Variants in ROR1 observed in about 807,000 individuals in gnomAD.
ROR1 encodes the protein ROR family WNT receptor 1.
Under a neutral mutation model 78.8 loss-of-function variants are expected in ROR1, and 19 were observed. The ratio of observed to expected loss-of-function variants is 0.24; its 90% confidence interval spans 0.17 to 0.35. The LOEUF (loss-of-function observed/expected upper bound fraction) is 0.35, where lower values mean the gene tolerates loss of function less well. ROR1 is among the 10% of genes least tolerant of loss of function. The probability of loss-of-function intolerance (pLI) is 1.00; values close to 1 mark genes in which losing one functional copy is unlikely to be tolerated. For missense variants in ROR1, 917 were observed against 1,177.8 expected (o/e 0.78, Z 3.24); for synonymous variants, 386 against 433.6 (o/e 0.89, Z 1.36).
At chr1:64,110,469 C>G (rs1245820044) in intron 4 of ROR1, among the ~76,000 whole-genome samples, 1 of 152,106 alleles carries the variant, frequency 6.6e-6, no homozygotes, top group African/African-American at 2.4e-5. Context: ...TGAGGACAGG[C>G]AGCTGGTAAG....
chr1:63,877,630 C>T (rs184631124), intron 1 of ROR1, among the ~76,000 whole-genome samples: 1 of 152,062 alleles, frequency 6.6e-6, no homozygotes, highest in Non-Finnish European at 1.5e-5. Flanking sequence ...GCTGAAGACT[C>T]AGTAAGTAAA....
chr1:64,143,246 A>G (rs1285285122), intron 7 of ROR1: 2 of 988,958 alleles, frequency 2.0e-6, no homozygotes, highest in East Asian at 1.1e-4. Flanking sequence ...TGGGCCAAGC[A>G]TGGTGGCTTA....
chr1:63,989,292 G>T (rs1033300651), intron 1 of ROR1, among the ~76,000 whole-genome samples: 6 of 151,584 alleles, frequency 4.0e-5, no homozygotes, highest in Non-Finnish European at 8.8e-5. Context: ...AGCCTGAGGG[G>T]TTTTTTTGGA....
At chr1:64,075,469 G>A (rs1168948382) in intron 4 of ROR1, among the ~76,000 whole-genome samples, 4 of 152,066 alleles carry the variant, frequency 2.6e-5, no homozygotes, top group African/African-American at 9.7e-5. Flanking sequence ...TTTTGTTTTT[G>A]GCAAGGTTTA....
chr1:64,164,872 A>T (rs1393202187), intron 8 of ROR1, among the ~76,000 whole-genome samples: 1 of 152,160 alleles, frequency 6.6e-6, no homozygotes, highest in Non-Finnish European at 1.5e-5. Context: ...TTCCTGTGTT[A>T]CTTTGCTAAG....
chr1:63,823,327 C>A (rs897835092), intron 1 of ROR1, among the ~76,000 whole-genome samples: 7 of 152,046 alleles, frequency 4.6e-5, no homozygotes, highest in African/African-American at 1.4e-4. Context: ...ACCCATCCAT[C>A]CATCGATTTA....
rs1438338999 is a variant in ROR1 at position 64,007,408 on chromosome 1, G to GTC, written c.92-1896_92-1895insCT. Among the ~76,000 whole-genome samples the GTC allele has an allele frequency of 5.9e-4, 90 of 151,308 alleles. No individual in the cohort carries two copies. The Middle Eastern group carries it at 0.017, about 29-fold the overall frequency. The stretch of plus-strand genomic sequence containing the variant: ...TGTGTGTGTGTGTGTGTGTGTGTGT[G>GTC]TAGACATAGCCTGAGGGGAGGTTAG... On this transcript the variant is annotated intron_variant, in intron 1 of 8. Coordinates refer to ENST00000371079, the MANE Select transcript of ROR1 (RefSeq NM_005012.4).
At chr1:63,845,367 A>G (rs1369351804) in intron 1 of ROR1, among the ~76,000 whole-genome samples, 1 of 152,214 alleles carries the variant, frequency 6.6e-6, no homozygotes, top group Non-Finnish European at 1.5e-5. Flanking sequence ...TTTGGAAAAT[A>G]CTGATAAACG....
At chr1:63,952,284 G>A (rs184648233) in intron 1 of ROR1, among the ~76,000 whole-genome samples, 46 of 151,672 alleles carry the variant, frequency 3.0e-4, no homozygotes, top group African/African-American at 1.0e-3. Flanking sequence ...ACAGGAACAT[G>A]CTGGGCCTTT....
At chr1:64,034,422 G>A (rs1033026793) in intron 2 of ROR1, among the ~76,000 whole-genome samples, 2 of 152,152 alleles carry the variant, frequency 1.3e-5, no homozygotes, top group Non-Finnish European at 2.9e-5. Context: ...TGTGAATAAT[G>A]TAGCTTCCAA....
At chr1:64,168,760 T>C (rs745741043) in intron 8 of ROR1, among the ~76,000 whole-genome samples, 1 of 152,250 alleles carries the variant, frequency 6.6e-6, no homozygotes, top group Non-Finnish European at 1.5e-5. Context: ...AGAGTATTGT[T>C]TTCTCTCAGT....
At chr1:64,050,082 A>T (rs1162077478) in intron 3 of ROR1, 104 bp downstream of exon 3, 27 of 1,292,906 alleles carry the variant, frequency 2.1e-5, no homozygotes, top group Non-Finnish European at 2.9e-5. Flanking sequence ...CTTAGTGAGA[A>T]TGTACTCTGT....
chr1:64,097,876 A>G (rs189383371), intron 4 of ROR1, among the ~76,000 whole-genome samples: 2 of 152,236 alleles, frequency 1.3e-5, no homozygotes, highest in Non-Finnish European at 2.9e-5. Context: ...GTTTTGTTTC[A>G]GAGATTGAAG....
chr1:63,866,444 A>C (rs1645215851), intron 1 of ROR1, among the ~76,000 whole-genome samples: 1 of 152,198 alleles, frequency 6.6e-6, no homozygotes, highest in Non-Finnish European at 1.5e-5. Flanking sequence ...ATGACTTGGA[A>C]TGTTACATCC....
At chr1:63,862,778 A>T (rs895883486) in intron 1 of ROR1, among the ~76,000 whole-genome samples, 5 of 152,144 alleles carry the variant, frequency 3.3e-5, no homozygotes, top group African/African-American at 1.2e-4. Context: ...ACTGCGCCTC[A>T]GTGTCATTGT....
chr1:64,087,253 A>G (rs1647162253), intron 4 of ROR1, among the ~76,000 whole-genome samples: 1 of 152,238 alleles, frequency 6.6e-6, no homozygotes, highest in Non-Finnish European at 1.5e-5. Flanking sequence ...TAATTTTCAA[A>G]GGAATCCCTG....
intron 2 of ROR1, among the ~76,000 whole-genome samples, chr1:64,043,886 T>A (rs574288843): frequency 6.6e-6 from 1 of 152,306 alleles, no homozygotes; most frequent in South Asian, 2.1e-4. Context: ...AAGTTTAAAT[T>A]AAAGTGTGTA....
chr1:63,910,277 T>C (rs1645560488), intron 1 of ROR1, among the ~76,000 whole-genome samples: 1 of 152,184 alleles, frequency 6.6e-6, no homozygotes, highest in African/African-American at 2.4e-5. Flanking sequence ...GAATAAATGC[T>C]AGAAAAATGA....
At chr1:63,873,827 C>T (rs1016913432) in intron 1 of ROR1, among the ~76,000 whole-genome samples, 2 of 152,186 alleles carry the variant, frequency 1.3e-5, no homozygotes, top group African/African-American at 2.4e-5. Flanking sequence ...GAAGGATTGT[C>T]TGCCCATTGC....
Sources: gnomAD v4.1 joint callset for allele counts (sites outside exome capture counted in the v4.1 genomes callset) on GRCh38, gnomAD v4.1.1 for gene constraint, MANE v1.5 for transcripts, NCBI Gene and HGNC (gene_info 2026-07-23, HGNC 2026-07-21) for gene names.